Variants in MAGI2 observed in about 807,000 individuals in gnomAD.
The protein encoded by MAGI2 is membrane associated guanylate kinase, WW and PDZ domain containing 2.
A neutral mutation model predicts 133.3 loss-of-function variants in MAGI2; 35 were observed. The observed-to-expected ratio is 0.26, with a 90% confidence interval of 0.20 to 0.35. MAGI2 has a LOEUF of 0.35. Among genes scored for constraint, MAGI2 ranks in the 10% least tolerant of loss-of-function variants. The pLI, the probability that MAGI2 is intolerant of heterozygous loss-of-function variation, is 1.00. For synonymous variants in MAGI2, 729 were observed against 710.6 expected, an observed-to-expected ratio of 1.03 and a Z score of -0.41; for missense variants, 1,636 against 1,863.4, an observed-to-expected ratio of 0.88 and a Z score of 2.25.
intron 1 of MAGI2, among the ~76,000 whole-genome samples, chr7:79,391,516 T>TATATATATATATATATATATATAGAC (rs1844626182): frequency 1.9e-5 from 1 of 52,144 alleles, no homozygotes; most frequent in Non-Finnish European, 3.0e-5. Context: ...GACATATATA[T>TATATATATATATATATATATATAGAC]ATATATATAT....
At chr7:78,173,843 A>C (rs1338046813) in intron 14 of MAGI2, among the ~76,000 whole-genome samples, 1 of 152,202 alleles carries the variant, frequency 6.6e-6, no homozygotes, top group Non-Finnish European at 1.5e-5. Context: ...TCAGTCTAAA[A>C]GGGGCCATTG....
intron 4 of MAGI2, among the ~76,000 whole-genome samples, chr7:78,512,635 A>G (rs1795701885): frequency 6.6e-6 from 1 of 152,108 alleles, no homozygotes; most frequent in South Asian, 2.1e-4. Flanking sequence ...TGAATTCCTG[A>G]CCTTGTGATC....
chr7:78,953,606 A>G (rs186103165), intron 2 of MAGI2, among the ~76,000 whole-genome samples: 196 of 152,312 alleles, frequency 1.3e-3, no homozygotes, highest in African/African-American at 4.5e-3. Flanking sequence ...GATCAATATG[A>G]AAGTACATAA....
At chr7:79,103,920 C>A (rs1818216537) in intron 1 of MAGI2, among the ~76,000 whole-genome samples, 2 of 152,080 alleles carry the variant, frequency 1.3e-5, no homozygotes, top group South Asian at 4.2e-4. Context: ...CCAGGATGGT[C>A]TCGATCTCCT....
In MAGI2 at chr7:79,453,616, G is replaced by T. The variant is rs1027800463; in HGVS notation, c.-296C>A. 5.5e-6 allele frequency: 6 copies of T among 1,092,398 alleles called. No homozygotes were observed. In the Admixed American group the frequency reaches 1.5e-4, roughly 27 times the overall value. The allele number at this position is 1,092,398 out of a possible 1,614,324, so 67.7% of individuals were successfully genotyped here. On this transcript the variant is annotated 5_prime_UTR_variant, in exon 1 of 22. Coordinates refer to ENST00000354212, the MANE Select transcript of MAGI2 (RefSeq NM_012301.4). Reference sequence around the variant, plus strand: ...GGAAGCAGTGGTGGTGGCGTCGGCGGCGGCGGCGGCGGCAGCCGGAGCGAG... The same window carrying T: ...GGAAGCAGTGGTGGTGGCGTCGGCGTCGGCGGCGGCGGCAGCCGGAGCGAG...
intron 2 of MAGI2, among the ~76,000 whole-genome samples, chr7:78,647,617 C>T (rs879547921): frequency 2.0e-5 from 3 of 152,124 alleles, no homozygotes; most frequent in Non-Finnish European, 2.9e-5. Flanking sequence ...ACTAGAAATA[C>T]CATTTGACCC....
chr7:78,562,991 T>G (rs891714046), intron 3 of MAGI2, among the ~76,000 whole-genome samples: 1 of 145,370 alleles, frequency 6.9e-6, no homozygotes, highest in African/African-American at 2.5e-5. Context: ...GAGTTTCTTT[T>G]TTGTTGTTTT....
chr7:78,189,453 G>A (rs1351153782), intron 12 of MAGI2, among the ~76,000 whole-genome samples: 1 of 152,158 alleles, frequency 6.6e-6, no homozygotes, highest in African/African-American at 2.4e-5. Context: ...ACATTTCAGA[G>A]AAATTTCTGT....
At chr7:79,338,933 C>T (rs892376869) in intron 1 of MAGI2, among the ~76,000 whole-genome samples, 1 of 152,110 alleles carries the variant, frequency 6.6e-6, no homozygotes, top group Non-Finnish European at 1.5e-5. Flanking sequence ...ATTGATTCTA[C>T]AGCCACTCAA....
chr7:78,466,091 A>T (rs543105695), intron 6 of MAGI2, among the ~76,000 whole-genome samples: 1 of 152,270 alleles, frequency 6.6e-6, no homozygotes, highest in East Asian at 1.9e-4. Flanking sequence ...GGCCTGCATC[A>T]CAGTGAAATG....
chr7:79,185,930 G>T (rs369125898), intron 1 of MAGI2, among the ~76,000 whole-genome samples: 1 of 151,596 alleles, frequency 6.6e-6, no homozygotes. Flanking sequence ...AACTTGTACA[G>T]ACATCAGCCT....
At chr7:78,872,443 A>G (rs889309544) in intron 2 of MAGI2, among the ~76,000 whole-genome samples, 3 of 152,150 alleles carry the variant, frequency 2.0e-5, no homozygotes, top group Non-Finnish European at 4.4e-5. Flanking sequence ...CTAGAATTGC[A>G]TTTGCTCAAT....
chr7:79,248,372 A>C (rs1563043159), intron 1 of MAGI2, among the ~76,000 whole-genome samples: 1 of 152,210 alleles, frequency 6.6e-6, no homozygotes, highest in Non-Finnish European at 1.5e-5. Context: ...TATAAAGCAA[A>C]TATTGTTAGA....
intron 14 of MAGI2, among the ~76,000 whole-genome samples, chr7:78,174,139 T>A (rs1826370807): frequency 6.6e-6 from 1 of 152,200 alleles, no homozygotes; most frequent in African/African-American, 2.4e-5. Context: ...GGTGACAGTT[T>A]TGACTTGGTG....
At chr7:79,049,588 T>C (rs139986278) in intron 1 of MAGI2, among the ~76,000 whole-genome samples, 1,887 of 152,212 alleles carry the variant, frequency 0.012, 11 homozygotes, top group Middle Eastern at 0.02. Context: ...TATTTAATAA[T>C]TAATTTAGAT....
intron 7 of MAGI2, among the ~76,000 whole-genome samples, chr7:78,351,239 A>T (rs1269912660): frequency 1.3e-5 from 2 of 151,888 alleles, no homozygotes; most frequent in Non-Finnish European, 2.9e-5. Flanking sequence ...GGGAATGGTG[A>T]CCCATTTCTG....
intron 1 of MAGI2, among the ~76,000 whole-genome samples, chr7:79,040,577 C>T (rs1584765050): frequency 6.6e-6 from 1 of 152,126 alleles, no homozygotes; most frequent in East Asian, 2.0e-4. Context: ...ACAAGTCTCA[C>T]CTTGAATTGT....
At chr7:78,688,847 T>C (rs1816658611) in intron 2 of MAGI2, among the ~76,000 whole-genome samples, 1 of 152,154 alleles carries the variant, frequency 6.6e-6, no homozygotes, top group African/African-American at 2.4e-5. Flanking sequence ...CAGAGAAAGA[T>C]AAAATAGAAA....
At chr7:78,716,811 G>T (rs566170396) in intron 2 of MAGI2, among the ~76,000 whole-genome samples, 46 of 152,184 alleles carry the variant, frequency 3.0e-4, no homozygotes, top group Non-Finnish European at 6.3e-4. Context: ...TGGAAGTTCA[G>T]AGAAAACTGA....
Sources: allele counts gnomAD v4.1 joint callset (sites outside exome capture counted in the v4.1 genomes callset), GRCh38; gene constraint gnomAD v4.1.1; transcripts MANE v1.5; gene names NCBI Gene and HGNC (gene_info 2026-07-23, HGNC 2026-07-21).